Variants in PUS10 observed in about 807,000 individuals in gnomAD.
The protein encoded by PUS10 is tRNA pseudouridine synthase Pus10.
PUS10 carries 59 observed loss-of-function variants against 75.0 expected under a neutral mutation model. That is an observed-to-expected ratio of 0.79 (90% CI 0.64 to 0.98). The LOEUF (loss-of-function observed/expected upper bound fraction) is 0.98. Among genes scored for constraint, PUS10 ranks in the 50% least tolerant of loss-of-function variants. PUS10 has a pLI of 0.00. For missense variants in PUS10, 650 were observed against 614.4 expected, an observed-to-expected ratio of 1.06 and a Z score of -0.61; for synonymous variants, 219 against 211.6, an observed-to-expected ratio of 1.03 and a Z score of -0.30.
At chr2:61,013,001 T>C (rs1367168365) in intron 1 of PUS10, among the ~76,000 whole-genome samples, 1 of 150,684 alleles carries the variant, frequency 6.6e-6, no homozygotes, top group Non-Finnish European at 1.5e-5. Flanking sequence ...CTCACCACTT[T>C]GTGGTTGTGG....
intron 2 of PUS10, chr2:61,011,025 T>G: frequency 8.1e-7 from 1 of 1,235,134 alleles, no homozygotes; most frequent in Non-Finnish European, 1.1e-6. Context: ...CTAATAACAT[T>G]TTAAAAATAA....
At chr2:60,966,349 T>A (rs977133965) in intron 6 of PUS10, 3 of 152,248 alleles carry the variant, frequency 2.0e-5, no homozygotes, top group Non-Finnish European at 2.9e-5. Flanking sequence ...AATGCCATAC[T>A]ATGTTGCAAT....
intron 12 of PUS10, 61 bp downstream of exon 12, chr2:60,954,957 G>T: frequency 2.6e-6 from 3 of 1,154,518 alleles, no homozygotes; most frequent in Non-Finnish European, 3.7e-6. Flanking sequence ...TAAGCCTGCT[G>T]TCTAGAAAGG....
At chr2:60,953,184 C>G (rs1301716380) in intron 14 of PUS10, 70 bp from the exon 15 acceptor site, 1 of 806,812 alleles carries the variant, frequency 1.2e-6, no homozygotes, top group Non-Finnish European at 2.1e-6. Flanking sequence ...CCTGAATTAG[C>G]CTTTCTTTAA....
At chr2:60,981,378 G>A (rs1479479355) in intron 4 of PUS10, among the ~76,000 whole-genome samples, 1 of 151,920 alleles carries the variant, frequency 6.6e-6, no homozygotes, top group Non-Finnish European at 1.5e-5. Flanking sequence ...TGCCTCCCAG[G>A]TTCAAGCGAT....
At chr2:61,003,903 T>C (rs1180836690) in intron 4 of PUS10, among the ~76,000 whole-genome samples, 1 of 152,158 alleles carries the variant, frequency 6.6e-6, no homozygotes, top group Non-Finnish European at 1.5e-5. Flanking sequence ...AGCAGGAATA[T>C]AATAAATACT....
Position 61,011,927 on chromosome 2 carries a change from C to G in PUS10, c.-15-22G>C. On this transcript the variant is annotated intron_variant, in intron 1 of 17. Coordinates refer to ENST00000316752, the MANE Select transcript of PUS10 (RefSeq NM_144709.4). ...ATAACTAGAAAGAAAAGAAGTAAAA[C>G]TAATGAGCAGCTTCTGCGTTTTACT... 5 of 1,570,206 alleles carry G rather than the reference C, an allele frequency of 3.2e-6. No individual in the cohort carries two copies. The African/African-American group carries it at 5.5e-5, about 17-fold the overall frequency.
intron 4 of PUS10, among the ~76,000 whole-genome samples, chr2:60,980,204 C>T (rs993906692): frequency 6.6e-6 from 1 of 152,194 alleles, no homozygotes; most frequent in Non-Finnish European, 1.5e-5. Flanking sequence ...AACTGAATTT[C>T]AGGTAACTCT....
rs954077739 is a variant in PUS10, at chr2:60,960,387, C to T, written c.1000+5G>A. The T allele has an allele frequency of 6.1e-6, 9 of 1,487,076 alleles. No homozygotes were observed. The highest frequency in any genetic ancestry group is 2.5e-5 in the Admixed American group (1 of 39,428). The allele number at this position is 1,487,076 out of a possible 1,614,324, so 92.1% of individuals were successfully genotyped here. On this transcript the variant is annotated splice_donor_5th_base_variant and intron_variant, in intron 11 of 17. Transcript: ENST00000316752. ...AAAGAAAAGTATGAAGATCGTAACA[C>T]TTACTCTCTGCTTTAAATACTGCCA...
chr2:60,961,024 A>G (rs2104330143), intron 10 of PUS10, among the ~76,000 whole-genome samples: 2 of 152,364 alleles, frequency 1.3e-5, no homozygotes, highest in South Asian at 4.1e-4. Flanking sequence ...TGTCTGCCAG[A>G]TTACCTTTTA....
intron 16 of PUS10, among the ~76,000 whole-genome samples, chr2:60,947,758 G>C (rs1053957472): frequency 6.6e-6 from 1 of 150,830 alleles, no homozygotes; most frequent in African/African-American, 2.4e-5. Flanking sequence ...GAACCCAGGA[G>C]GCGGAGCTTG....
Position 60,960,473 on chromosome 2 carries a change from T to C in PUS10, c.919A>G (p.Ile307Val). ...TCCAGCTTCCTTTCTCCATCAATTA[T>C]CCAAGGAGTTTGTGGTAGATTCCTG... ...YSRNLPQTPW[I>V]IDGERKLESS... Residue 307 changes from isoleucine to valine, a missense_variant, in exon 11 of 18, where the codon ATA becomes GTA. Coordinates refer to ENST00000316752, the MANE Select transcript of PUS10 (RefSeq NM_144709.4). The C allele has an allele frequency of 6.3e-7, 1 of 1,575,106 alleles. No individual in the cohort carries two copies. Among genetic ancestry groups the C allele is most frequent in the Non-Finnish European group, 8.6e-7 (1 of 1,165,734 alleles).
intron 11 of PUS10, among the ~76,000 whole-genome samples, chr2:60,957,637 C>G (rs1675762092): frequency 6.6e-6 from 1 of 152,244 alleles, no homozygotes; most frequent in Non-Finnish European, 1.5e-5. Flanking sequence ...GGCGGGCATC[C>G]CTAGGCTCTA....
Position 61,011,837 on chromosome 2 carries a change from A to C in PUS10, c.54T>G (p.Thr18=). 6.2e-7 allele frequency: 1 copy of C among 1,610,630 alleles called. No individual in the cohort carries two copies. Among genetic ancestry groups the C allele is most frequent in the Non-Finnish European group, 8.5e-7 (1 of 1,178,096 alleles). ...TGAAGATACATCTTGGACAAGTACCAGTATTGAGCAACAACTGGGCCACAT... is the reference window on the plus strand; with the variant it reads ...TGAAGATACATCTTGGACAAGTACCCGTATTGAGCAACAACTGGGCCACAT... ...NKHVAQLLLN[T]GTCPRCIFRF... is the part of the protein sequence containing the mutation. The change falls in exon 2 of 18, where the codon ACT becomes ACG. Residue 18 remains threonine, a synonymous_variant. Transcript: ENST00000316752.
At chr2:60,977,839 C>T (rs942825508) in intron 4 of PUS10, among the ~76,000 whole-genome samples, 5 of 151,844 alleles carry the variant, frequency 3.3e-5, no homozygotes, top group Non-Finnish European at 5.9e-5. Context: ...TTTCTCAAAC[C>T]GTAAGAGGAA....
At chr2:60,974,485 G>A (rs1415411619) in intron 4 of PUS10, among the ~76,000 whole-genome samples, 4 of 152,128 alleles carry the variant, frequency 2.6e-5, no homozygotes, top group Non-Finnish European at 4.4e-5. Flanking sequence ...TAAAAGAGCT[G>A]TAAAACAAAC....
At chr2:60,999,310 C>G (rs1312903546) in intron 4 of PUS10, among the ~76,000 whole-genome samples, 2 of 152,100 alleles carry the variant, frequency 1.3e-5, no homozygotes, top group African/African-American at 4.8e-5. Context: ...TTAGAGGAAT[C>G]AATCATGAAT....
chr2:61,009,291 C>T (rs1156992138), intron 2 of PUS10, among the ~76,000 whole-genome samples: 3 of 152,114 alleles, frequency 2.0e-5, no homozygotes, highest in Non-Finnish European at 4.4e-5. Context: ...GAGAAAGGCT[C>T]CAATACAAAT....
chr2:60,974,096 G>A (rs1276186394), intron 4 of PUS10, among the ~76,000 whole-genome samples: 1 of 151,990 alleles, frequency 6.6e-6, no homozygotes, highest in African/African-American at 2.4e-5. Flanking sequence ...CCTGCACAGA[G>A]GAGCTACTCT....
Sources: allele counts gnomAD v4.1 joint callset (sites outside exome capture counted in the v4.1 genomes callset), GRCh38; gene constraint gnomAD v4.1.1; transcripts MANE v1.5; gene names NCBI Gene and HGNC (gene_info 2026-07-23, HGNC 2026-07-21).